DENND2C: variants seen among roughly 807,000 people sequenced by gnomAD.
The protein encoded by DENND2C is DENN domain containing 2C.
Under a neutral mutation model 112.4 loss-of-function variants are expected in DENND2C, and 72 were observed. The ratio of observed to expected loss-of-function variants is 0.64; its 90% CI spans 0.53 to 0.78. The LOEUF (loss-of-function observed/expected upper bound fraction) is 0.78. DENND2C is among the 30% of genes least tolerant of loss of function. DENND2C has a pLI of 0.00. For synonymous variants in DENND2C, 329 were observed against 381.6 expected, an observed-to-expected ratio of 0.86 and a Z score of 1.61; for missense variants, 992 against 1,113.8, an observed-to-expected ratio of 0.89 and a Z score of 1.56.
chr1:114,608,597 T>C, intron 10 of DENND2C, 89 bp downstream of exon 10: 1 of 1,374,428 alleles, frequency 7.3e-7, no homozygotes, highest in Admixed American at 2.2e-5. Context: ...AAAAACTTGT[T>C]GAGATAACAA....
chr1:114,586,587 C>T (rs1333572419), intron 20 of DENND2C: 1 of 152,008 alleles, frequency 6.6e-6, no homozygotes, highest in African/African-American at 2.4e-5. Context: ...TTGAAACTAG[C>T]ATCATGGTTT....
intron 2 of DENND2C, among the ~76,000 whole-genome samples, chr1:114,647,174 AGAGAG>A (rs1657015369): frequency 3.5e-5 from 4 of 114,970 alleles, no homozygotes; most frequent in Admixed American, 9.0e-5. Context: ...AAAAAAAAAG[AGAGAG>A]AGAGAGAGAG....
At chr1:114,639,656 T>C (rs931843903) in intron 3 of DENND2C, among the ~76,000 whole-genome samples, 3 of 152,128 alleles carry the variant, frequency 2.0e-5, no homozygotes, top group Non-Finnish European at 2.9e-5. Context: ...TGGTTCTTTT[T>C]TTCTTCATAT....
chr1:114,601,934 C>T (rs987554851), intron 12 of DENND2C, among the ~76,000 whole-genome samples, 191 bp downstream of exon 12: 2 of 152,186 alleles, frequency 1.3e-5, no homozygotes, highest in Non-Finnish European at 2.9e-5. Context: ...TAAATCCATA[C>T]CCCTTCTCTT....
chr1:114,591,287 A>G (rs1655183283), intron 18 of DENND2C, among the ~76,000 whole-genome samples: 1 of 152,016 alleles, frequency 6.6e-6, no homozygotes, highest in Non-Finnish European at 1.5e-5. Flanking sequence ...AGTTTTTGTG[A>G]ATATGGTGGG....
chr1:114,628,063 T>C (rs1047963980), intron 3 of DENND2C, among the ~76,000 whole-genome samples: 1 of 152,118 alleles, frequency 6.6e-6, no homozygotes, highest in South Asian at 2.1e-4. Flanking sequence ...CCCAGGACTT[T>C]AGGATGCTGA....
At chr1:114,662,521 G>A (rs970872491) in intron 1 of DENND2C, among the ~76,000 whole-genome samples, 1 of 151,870 alleles carries the variant, frequency 6.6e-6, no homozygotes, top group East Asian at 1.9e-4. Flanking sequence ...ACGAAAGTTA[G>A]ACATTTAACT....
intron 18 of DENND2C, chr1:114,588,425 C>CATGGTGCTCAGACACTCCTCTTCA (rs1655101780): frequency 1.9e-5 from 3 of 157,672 alleles, no homozygotes; most frequent in Non-Finnish European, 2.8e-5. Flanking sequence ...TCTTCCTGAG[C>CATGGTGCTCAGACACTCCTCTTCA]ATGGTGCTCA....
chr1:114,612,268 T>C (rs545820206), intron 8 of DENND2C, among the ~76,000 whole-genome samples: 148 of 152,214 alleles, frequency 9.7e-4, no homozygotes, highest in African/African-American at 3.4e-3. Context: ...ATGAAGATTA[T>C]GGGGAAAGAG....
chr1:114,666,475 T>A (rs867542152), intron 1 of DENND2C, among the ~76,000 whole-genome samples: 4 of 152,206 alleles, frequency 2.6e-5, no homozygotes, highest in Middle Eastern at 3.4e-3. Context: ...CTTTTTTTTT[T>A]AAAGACAGTC....
chr1:114,604,304 A>G (rs550812254), intron 11 of DENND2C, among the ~76,000 whole-genome samples: 2 of 152,356 alleles, frequency 1.3e-5, no homozygotes, highest in East Asian at 3.9e-4. Flanking sequence ...GGCATCATCA[A>G]TAATTATAGT....
chr1:114,659,337 C>T (rs1485932604), intron 1 of DENND2C, among the ~76,000 whole-genome samples: 4 of 151,978 alleles, frequency 2.6e-5, no homozygotes, highest in Non-Finnish European at 5.9e-5. Context: ...CCTGTCTCTA[C>T]TAAAAATACA....
At position 114,646,341 on chromosome 1, in the gene DENND2C, CTT is replaced by C. The variant is rs1314116189; in HGVS notation, c.-316-784_-316-783del. 3.3e-5 allele frequency among the ~76,000 whole-genome samples: 5 copies of C among 152,228 alleles called. No individual in the cohort carries two copies. The East Asian group carries it at 9.6e-4, about 29-fold the overall frequency. On this transcript the variant is annotated intron_variant, in intron 2 of 20. Coordinates refer to ENST00000393274, the MANE Select transcript of DENND2C (RefSeq NM_001256404.2). ...ACAGAAAATCAACAATTTTAGAACA[CTT>C]TTCTTTGGAAAAGGAAAATGGTGTG...
chr1:114,647,428 AC>A, intron 2 of DENND2C, among the ~76,000 whole-genome samples: 1 of 151,712 alleles, frequency 6.6e-6, no homozygotes, highest in Non-Finnish European at 1.5e-5. Flanking sequence ...ACTCCCTGCA[AC>A]CTCTGCCTCT....
chr1:114,606,963 C>G (rs1253767894), intron 10 of DENND2C, among the ~76,000 whole-genome samples: 1 of 152,246 alleles, frequency 6.6e-6, no homozygotes, highest in East Asian at 1.9e-4. Context: ...GTGGCACCAC[C>G]AGCCCAGGCC....
At chr1:114,619,490 T>C (rs1656102621) in intron 7 of DENND2C, among the ~76,000 whole-genome samples, 1 of 152,136 alleles carries the variant, frequency 6.6e-6, no homozygotes, top group African/African-American at 2.4e-5. Context: ...AGGCAATGAA[T>C]CAGTCCAGTG....
intron 18 of DENND2C, among the ~76,000 whole-genome samples, chr1:114,590,228 A>G (rs910334498): frequency 2.0e-5 from 3 of 152,118 alleles, no homozygotes; most frequent in African/African-American, 2.4e-5. Context: ...CATCTCTACA[A>G]AAAATTAAAG....
intron 3 of DENND2C, among the ~76,000 whole-genome samples, chr1:114,634,392 G>A (rs1656588418): frequency 6.6e-6 from 1 of 151,914 alleles, no homozygotes; most frequent in South Asian, 2.1e-4. Flanking sequence ...GGAGTGCACT[G>A]GCACAATCTC....
intron 3 of DENND2C, among the ~76,000 whole-genome samples, chr1:114,630,809 T>C (rs1239432429): frequency 1.3e-5 from 2 of 152,170 alleles, no homozygotes; most frequent in African/African-American, 2.4e-5. Context: ...AGAAAAACTA[T>C]GGGAGATTTT....
Sources: gnomAD v4.1 joint callset for allele counts (sites outside exome capture counted in the v4.1 genomes callset) on GRCh38, gnomAD v4.1.1 for gene constraint, MANE v1.5 for transcripts, NCBI Gene and HGNC (gene_info 2026-07-23, HGNC 2026-07-21) for gene names.